DISP1: variants seen among roughly 807,000 people sequenced by gnomAD.
The protein encoded by DISP1 is protein dispatched homolog 1.
In DISP1, 30 loss-of-function variants were observed where a neutral mutation model predicts 37.3. That is an observed-to-expected ratio of 0.80 (90% CI 0.60 to 1.09). The LOEUF is 1.09. Among genes scored for constraint, DISP1 ranks in the 50% least tolerant of loss-of-function variants. The pLI, the probability that DISP1 is intolerant of heterozygous loss-of-function variation, is 0.00. For missense variants in DISP1, 1,598 were observed against 1,879.5 expected (o/e 0.85, Z 2.77); for synonymous variants, 634 against 690.2 (o/e 0.92, Z 1.28).
chr1:222,840,724 G>A (rs534266423), intron 1 of DISP1, among the ~76,000 whole-genome samples: 47 of 151,332 alleles, frequency 3.1e-4, no homozygotes, highest in Non-Finnish European at 6.5e-4. Context: ...CACCACACCC[G>A]GCTAATTTTT....
At chr1:223,001,253 C>T (rs1679421149) in intron 8 of DISP1, among the ~76,000 whole-genome samples, 2 of 152,160 alleles carry the variant, frequency 1.3e-5, no homozygotes, top group African/African-American at 4.8e-5. Flanking sequence ...TAATGTGCAG[C>T]AGGTCCTCAT....
chr1:222,861,351 G>C (rs2125326770), intron 1 of DISP1, among the ~76,000 whole-genome samples: 1 of 152,314 alleles, frequency 6.6e-6, no homozygotes, highest in South Asian at 2.1e-4. Flanking sequence ...TGCTGTTCCA[G>C]TCAGTTATAT....
chr1:222,823,022 C>T (rs1663338447), intron 1 of DISP1, among the ~76,000 whole-genome samples: 1 of 152,114 alleles, frequency 6.6e-6, no homozygotes, highest in Non-Finnish European at 1.5e-5. Flanking sequence ...GACTGATAGA[C>T]CTAATTCCAA....
chr1:222,931,470 G>A (rs186908887), intron 2 of DISP1, among the ~76,000 whole-genome samples: 122 of 151,930 alleles, frequency 8.0e-4, no homozygotes, highest in African/African-American at 2.3e-3. Flanking sequence ...TTGTAAAGCC[G>A]CCCATTTTGT....
intron 1 of DISP1, among the ~76,000 whole-genome samples, chr1:222,885,202 A>G (rs1670521062): frequency 3.3e-5 from 5 of 152,016 alleles, no homozygotes; most frequent in Admixed American, 3.3e-4. Context: ...AGGAAGATCC[A>G]TTTCTTCTTC....
At chr1:222,824,544 G>A (rs962227809) in intron 1 of DISP1, among the ~76,000 whole-genome samples, 4 of 151,608 alleles carry the variant, frequency 2.6e-5, no homozygotes, top group Admixed American at 2.0e-4. Context: ...ACATTTTTTT[G>A]TATATCTTCA....
rs565878179 is a variant in DISP1, at chr1:222,991,573, T to C, written c.717T>C (p.Asn239=). 37 of 1,613,870 alleles carry C rather than the reference T, an allele frequency of 2.3e-5. No homozygotes were observed. The East Asian group carries it at 7.1e-4, about 31-fold the overall frequency. Residue 239 remains asparagine, a synonymous_variant, in exon 6 of 9, where the codon AAT becomes AAC. Coordinates refer to ENST00000675850, the MANE Select transcript of DISP1 (RefSeq NM_001377229.1). ...GCCAGAGATTGGTCACATGGAATAA[T>C]ATGGTGAAAAATACAGGATACAAAG... ...AIGQRLVTWN[N]MVKNTGYKAT...
In DISP1 at chr1:222,994,929, A is replaced by G; in HGVS notation, c.934A>G (p.Thr312Ala). 6.2e-7 allele frequency: 1 copy of G among 1,613,024 alleles called. No homozygotes were observed. Among genetic ancestry groups the G allele is most frequent in the Non-Finnish European group, 8.5e-7 (1 of 1,179,486 alleles). The change falls in exon 8 of 9, where the codon ACA becomes GCA. Residue 312 changes from threonine to alanine, a missense_variant. Physicochemically the swap from Thr to Ala is moderately conservative, Grantham distance 58 (BLOSUM62 0). Coordinates refer to ENST00000675850, the MANE Select transcript of DISP1 (RefSeq NM_001377229.1). Reference protein sequence around the residue: ...RVVFTSSGGETLWNLPAIKSM... With the variant: ...RVVFTSSGGEALWNLPAIKSM... ...GGTATTTACTTCATCTGGAGGGGAGACATTATGGAATTTACCTGCAATTAA... is the reference window on the plus strand; with the variant it reads ...GGTATTTACTTCATCTGGAGGGGAGGCATTATGGAATTTACCTGCAATTAA...
At position 222,833,081 on chromosome 1, in the gene DISP1, C is replaced by T. The variant is rs528664874; in HGVS notation, c.-159+18003C>T. ...ATGGGGGTTCTGTGTTTGACTTCTG[C>T]GAACACAAGGTAGATGTTTATTTGT... is the stretch of plus-strand genomic sequence containing the variant. On this transcript the variant is annotated intron_variant, in intron 1 of 8. Transcript: ENST00000675850. Among the ~76,000 whole-genome samples the T allele has an allele frequency of 3.9e-5, 6 of 152,012 alleles. 1 individual carries two copies. Among genetic ancestry groups the T allele is most frequent in the South Asian group, 2.1e-4 (1 of 4,816 alleles).
intron 2 of DISP1, among the ~76,000 whole-genome samples, chr1:222,935,695 G>A (rs1477445894): frequency 1.2e-5 from 1 of 84,318 alleles, no homozygotes; most frequent in Non-Finnish European, 2.4e-5. Flanking sequence ...CGGATAGTGA[G>A]GCTTTGCTAA....
intron 1 of DISP1, among the ~76,000 whole-genome samples, chr1:222,879,270 T>C (rs61840284): frequency 0.12 from 18,066 of 152,188 alleles, 1,163 homozygotes; most frequent in African/African-American, 0.14. Flanking sequence ...TACTTTTCCA[T>C]TTCCTTTGCC....
rs1056888294 is a variant in DISP1, at chr1:222,928,522, A to G, written c.-66A>G. 1 of 152,232 alleles carries G rather than the reference A, an allele frequency of 6.6e-6. No homozygotes were observed. The highest frequency in any genetic ancestry group is 1.5e-5 in the Non-Finnish European group (1 of 68,046). 9.4% of individuals were successfully genotyped at this position (152,232 alleles called of 1,614,324 possible). A position where few individuals can be genotyped will look rare whatever the true frequency, so the allele number is the denominator to read the frequency against. ...GTCAGTTGCCGCTGTTGCTACTGCA[A>G]TCATTTGCACCAAACTGAGCCAGAG... On this transcript the variant is annotated 5_prime_UTR_variant, in exon 2 of 9. Transcript: ENST00000675850.
intron 3 of DISP1, among the ~76,000 whole-genome samples, chr1:222,953,577 A>C (rs565491104): frequency 3.7e-4 from 57 of 152,294 alleles, no homozygotes; most frequent in Admixed American, 2.0e-3. Context: ...GATTACATAA[A>C]TCTGATTATG....
chr1:222,957,876 G>T (rs967747274), intron 3 of DISP1, among the ~76,000 whole-genome samples: 1 of 152,174 alleles, frequency 6.6e-6, no homozygotes, highest in Non-Finnish European at 1.5e-5. Context: ...TCTAACCTAA[G>T]TTGGAACTGA....
intron 2 of DISP1, among the ~76,000 whole-genome samples, chr1:222,936,803 T>TA (rs1558339885): frequency 4.4e-5 from 2 of 45,586 alleles, no homozygotes; most frequent in Non-Finnish European, 8.7e-5. Context: ...TAATATATTA[T>TA]ATATATAAAT....
chr1:222,847,891 C>G (rs1668007315), intron 1 of DISP1, among the ~76,000 whole-genome samples: 1 of 152,068 alleles, frequency 6.6e-6, no homozygotes, highest in African/African-American at 2.4e-5. Context: ...GTCCATCTTT[C>G]TCTTTTTTAA....
At chr1:222,824,219 T>G (rs1663703710) in intron 1 of DISP1, among the ~76,000 whole-genome samples, 1 of 152,200 alleles carries the variant, frequency 6.6e-6, no homozygotes, top group Non-Finnish European at 1.5e-5. Context: ...TACCAGTAAA[T>G]GTGTCCTACT....
At position 223,003,130 on chromosome 1, in the gene DISP1, G is replaced by A. The variant is rs1365500259; in HGVS notation, c.1733G>A (p.Cys578Tyr). Residue 578 changes from cysteine to tyrosine, a missense_variant, in exon 9 of 9, where the codon TGT becomes TAT. By Grantham distance (194) the Cys-to-Tyr change is radical (BLOSUM62 -2). Transcript: ENST00000675850. The surrounding 1 kb of genome is among the most constrained non-coding windows in gnomAD (Gnocchi z 4.3). ...GGAGCAGATGATGCTTTTGTCCTGT[G>A]TGATGTTTGGAACTACACAAAATTT... is the stretch of plus-strand genomic sequence containing the variant. ...GIGADDAFVL[C>Y]DVWNYTKFDK... The A allele has an allele frequency of 1.2e-6, 2 of 1,614,192 alleles. No individual in the cohort carries two copies. Among genetic ancestry groups the A allele is most frequent in the Non-Finnish European group, 1.7e-6 (2 of 1,180,036 alleles).
At chr1:222,909,014 G>A (rs1341218656) in intron 1 of DISP1, among the ~76,000 whole-genome samples, 1 of 152,052 alleles carries the variant, frequency 6.6e-6, no homozygotes, top group Non-Finnish European at 1.5e-5. Context: ...AAAAAGACTT[G>A]GGATGGGTTA....
Sources: allele counts gnomAD v4.1 joint callset (sites outside exome capture counted in the v4.1 genomes callset), GRCh38; gene constraint gnomAD v4.1.1; non-coding constraint Gnocchi (gnomAD v3.1); transcripts MANE v1.5; gene names NCBI Gene and HGNC (gene_info 2026-07-23, HGNC 2026-07-21).